LUZP2: variants seen among roughly 807,000 people sequenced by gnomAD.
The protein encoded by LUZP2 is leucine zipper protein 2.
LUZP2 carries 52 observed loss-of-function variants against 51.6 expected under a neutral mutation model. That is an observed-to-expected ratio of 1.01 (90% CI 0.81 to 1.27). The LOEUF is 1.27. Ranked by LOEUF, LUZP2 falls within the 50% of genes most tolerant of loss-of-function variation. The probability of loss-of-function intolerance (pLI) is 0.00; values close to 1 mark genes in which losing one functional copy is unlikely to be tolerated. For synonymous variants in LUZP2, 154 were observed against 137.3 expected (o/e 1.12, Z -0.85); for missense variants, 436 against 395.4 (o/e 1.10, Z -0.87).
Position 24,955,431 on chromosome 11 carries a change from G to C in LUZP2, c.523-21160G>C, listed in dbSNP as rs533523987. ...AGAGGAGTATAAAATTTATAAAATG[G>C]CTGGGATATATTAGGCCTGCAGTAA... On this transcript the variant is annotated intron_variant, in intron 7 of 11. Coordinates refer to ENST00000336930, the MANE Select transcript of LUZP2 (RefSeq NM_001009909.4). 2.0e-5 allele frequency among the ~76,000 whole-genome samples: 3 copies of C among 152,030 alleles called. No homozygotes were observed. The South Asian group carries it at 6.3e-4, about 32-fold the overall frequency.
intron 1 of LUZP2, among the ~76,000 whole-genome samples, chr11:24,628,346 A>G (rs1854756550): frequency 6.6e-6 from 1 of 152,122 alleles, no homozygotes; most frequent in South Asian, 2.1e-4. Context: ...AAATGTAACA[A>G]TGTACTATGG....
intron 7 of LUZP2, among the ~76,000 whole-genome samples, chr11:24,937,627 C>T (rs187943563): frequency 1.2e-4 from 19 of 152,170 alleles, no homozygotes; most frequent in East Asian, 7.7e-4. Flanking sequence ...TGTGGCCGGG[C>T]GCGGTGGCTC....
At position 24,629,442 on chromosome 11, in the gene LUZP2, C is replaced by CAT. The variant is rs1004688557; in HGVS notation, c.63-99716_63-99715dup. 1.1e-3 allele frequency among the ~76,000 whole-genome samples: 158 copies of CAT among 147,994 alleles called. 1 individual carries two copies. Among genetic ancestry groups the CAT allele is most frequent in the African/African-American group, 3.5e-3 (142 of 40,486 alleles). On this transcript the variant is annotated intron_variant, in intron 1 of 11. Coordinates refer to ENST00000336930, the MANE Select transcript of LUZP2 (RefSeq NM_001009909.4). The stretch of plus-strand genomic sequence containing the variant: ...TTTATGGCTGAACAGTATTCCATTG[C>CAT]ATATATATATATGCATTATACATTA...
chr11:24,834,409 T>A (rs1250901720), intron 5 of LUZP2, among the ~76,000 whole-genome samples: 2 of 152,226 alleles, frequency 1.3e-5, no homozygotes, highest in East Asian at 3.9e-4. Flanking sequence ...TCCATGTCCC[T>A]GCAAAGGACA....
chr11:24,775,918 A>G (rs1848902303), intron 5 of LUZP2, among the ~76,000 whole-genome samples: 1 of 152,216 alleles, frequency 6.6e-6, no homozygotes, highest in Non-Finnish European at 1.5e-5. Context: ...TTTAGTACAT[A>G]TTAAGCTGTC....
At chr11:24,714,078 A>G (rs528645960) in intron 1 of LUZP2, among the ~76,000 whole-genome samples, 18 of 152,142 alleles carry the variant, frequency 1.2e-4, no homozygotes, top group African/African-American at 4.1e-4. Context: ...AAAACTACTT[A>G]CATAGCATTT....
At chr11:24,625,530 T>G (rs544522852) in intron 1 of LUZP2, among the ~76,000 whole-genome samples, 1 of 152,266 alleles carries the variant, frequency 6.6e-6, no homozygotes, top group African/African-American at 2.4e-5. Flanking sequence ...TAATTCTACT[T>G]ATTTTCAATT....
intron 10 of LUZP2, among the ~76,000 whole-genome samples, chr11:25,051,398 A>G (rs1397863733): frequency 6.6e-6 from 1 of 152,244 alleles, no homozygotes; most frequent in Admixed American, 6.5e-5. Context: ...TCCAAACTAT[A>G]CAATTTAAAG....
At chr11:24,899,539 T>C (rs1853208973) in intron 5 of LUZP2, among the ~76,000 whole-genome samples, 1 of 152,036 alleles carries the variant, frequency 6.6e-6, no homozygotes, top group South Asian at 2.1e-4. Flanking sequence ...TACAATCAAA[T>C]TATACTTGAC....
intron 1 of LUZP2, among the ~76,000 whole-genome samples, chr11:24,668,459 G>A (rs762326836): frequency 6.6e-6 from 1 of 152,132 alleles, no homozygotes; most frequent in African/African-American, 2.4e-5. Flanking sequence ...ATGCTGAAAG[G>A]TCTAGAAACA....
chr11:24,987,054 A>G (rs921729260), intron 9 of LUZP2, among the ~76,000 whole-genome samples: 1 of 151,870 alleles, frequency 6.6e-6, no homozygotes, highest in African/African-American at 2.4e-5. Context: ...GGAGATAATT[A>G]CAGCACCAAC....
chr11:24,678,747 G>A (rs1856644109), intron 1 of LUZP2, among the ~76,000 whole-genome samples: 1 of 152,192 alleles, frequency 6.6e-6, no homozygotes, highest in African/African-American at 2.4e-5. Flanking sequence ...TTGTCTCAAA[G>A]GCATGACTTT....
chr11:24,737,703 G>A (rs969269865), intron 3 of LUZP2, among the ~76,000 whole-genome samples: 1 of 151,992 alleles, frequency 6.6e-6, no homozygotes, highest in Admixed American at 6.6e-5. Context: ...AATGAGACAG[G>A]CCTTAAGTTA....
chr11:24,800,680 G>T (rs759777951), intron 5 of LUZP2, among the ~76,000 whole-genome samples: 4 of 151,910 alleles, frequency 2.6e-5, no homozygotes, highest in African/African-American at 9.7e-5. Flanking sequence ...ACTGAGCAGC[G>T]CTGGACAAAA....
chr11:24,711,098 C>T (rs1018703427), intron 1 of LUZP2, among the ~76,000 whole-genome samples: 1 of 152,116 alleles, frequency 6.6e-6, no homozygotes, highest in Non-Finnish European at 1.5e-5. Flanking sequence ...GCTCCATATC[C>T]TTCAAGGGCA....
chr11:24,508,875 A>T (rs1027895250), intron 1 of LUZP2, among the ~76,000 whole-genome samples: 12 of 152,144 alleles, frequency 7.9e-5, no homozygotes, highest in Non-Finnish European at 1.5e-4. Flanking sequence ...TCACAAAATT[A>T]AAAAGGGGTA....
chr11:24,722,592 A>G (rs1858317414), intron 1 of LUZP2, among the ~76,000 whole-genome samples: 1 of 152,118 alleles, frequency 6.6e-6, no homozygotes, highest in African/African-American at 2.4e-5. Flanking sequence ...TATATTATCA[A>G]CAACTCTTCA....
intron 7 of LUZP2, among the ~76,000 whole-genome samples, chr11:24,925,282 C>T (rs1392032995): frequency 6.6e-6 from 1 of 152,026 alleles, no homozygotes; most frequent in African/African-American, 2.4e-5. Context: ...GCATGTCTGA[C>T]CCCCATCTTC....
intron 1 of LUZP2, among the ~76,000 whole-genome samples, chr11:24,532,875 C>A (rs1208428764): frequency 6.6e-6 from 1 of 150,770 alleles, no homozygotes; most frequent in African/African-American, 2.4e-5. Flanking sequence ...ATAATAAAAC[C>A]TTTCATCAAG....
Sources: allele counts gnomAD v4.1 joint callset (sites outside exome capture counted in the v4.1 genomes callset), GRCh38; gene constraint gnomAD v4.1.1; transcripts MANE v1.5; gene names NCBI Gene and HGNC (gene_info 2026-07-23, HGNC 2026-07-21).